ZMYND8: variants seen among roughly 807,000 people sequenced by gnomAD.
The protein encoded by ZMYND8 is MYND-type zinc finger-containing chromatin reader ZMYND8.
ZMYND8 carries 37 observed loss-of-function variants against 140.8 expected under a neutral mutation model. The ratio of observed to expected loss-of-function variants is 0.26; its 90% confidence interval spans 0.20 to 0.35. ZMYND8 has a LOEUF of 0.35. Among genes scored for constraint, ZMYND8 ranks in the 10% least tolerant of loss-of-function variants. ZMYND8 has a pLI of 1.00. For synonymous variants in ZMYND8, 592 were observed against 597.1 expected, an observed-to-expected ratio of 0.99 and a Z score of 0.12; for missense variants, 1,068 against 1,570.0, an observed-to-expected ratio of 0.68 and a Z score of 5.40.
rs756737017 is a variant in ZMYND8 at position 47,298,353 on chromosome 20, C to T, written c.453+376G>A. On this transcript the variant is annotated intron_variant, in intron 4 of 22. Transcript: ENST00000471951. This position sits in a 1 kb window ranked among gnomAD's most constrained non-coding sequence, Gnocchi z 5.0. Reference sequence around the variant, plus strand: ...GGCTACTGCTGATGATTCAATGATGCGGCAGGCAACAACATCCAAGACGGA... The same window carrying T: ...GGCTACTGCTGATGATTCAATGATGTGGCAGGCAACAACATCCAAGACGGA... The T allele has an allele frequency of 2.2e-5, 22 of 985,210 alleles. No homozygotes were observed. Among genetic ancestry groups the T allele is most frequent in the South Asian group, 4.7e-5 (1 of 21,284 alleles). The allele number at this position is 985,210 out of a possible 1,614,324, so 61.0% of individuals were successfully genotyped here.
At chr20:47,241,209 C>T (rs2039925172) in intron 14 of ZMYND8, among the ~76,000 whole-genome samples, 3 of 149,918 alleles carry the variant, frequency 2.0e-5, no homozygotes, top group Admixed American at 6.7e-5. Context: ...GCAGGAGAAT[C>T]GCTTGAACCC....
chr20:47,239,066 G>A lies in ZMYND8; in HGVS notation c.2357C>T (p.Ser786Phe). ...SPPETPVLTR[S>F]SAQTSAAGAT... ...GCCAGCCGCGGAAGTTTGGGCGGAA[G>A]AGCGGGTGAGCACCGGTGTTTCCGG... The change falls in exon 15 of 23, where the codon TCT becomes TTT. Residue 786 changes from serine to phenylalanine, a missense_variant. Coordinates refer to ENST00000471951, the MANE Select transcript of ZMYND8 (RefSeq NM_001281775.3). The A allele has an allele frequency of 1.3e-6, 2 of 1,562,396 alleles. No individual in the cohort carries two copies. Among genetic ancestry groups the A allele is most frequent in the Non-Finnish European group, 1.7e-6 (2 of 1,153,460 alleles).
At chr20:47,239,289 T>C (rs2039648572) in intron 14 of ZMYND8, 151 bp from the exon 15 acceptor site, 1 of 1,073,720 alleles carries the variant, frequency 9.3e-7, no homozygotes, top group Non-Finnish European at 1.2e-6. Context: ...GCTGGAGGAG[T>C]ACATTCTCAC....
intron 2 of ZMYND8, among the ~76,000 whole-genome samples, chr20:47,346,706 A>G (rs981929819): frequency 6.6e-6 from 1 of 151,964 alleles, no homozygotes; most frequent in African/African-American, 2.4e-5. Flanking sequence ...TCCCAGGTTC[A>G]AGTGATTCTC....
intron 11 of ZMYND8, among the ~76,000 whole-genome samples, chr20:47,263,024 G>A (rs1304556242): frequency 6.6e-6 from 1 of 152,172 alleles, no homozygotes; most frequent in East Asian, 1.9e-4. Flanking sequence ...TTCACAGGAG[G>A]AGAGAGAACT....
At position 47,347,716 on chromosome 20, in the gene ZMYND8, A is replaced by G; in HGVS notation, c.85+140T>C. On this transcript the variant is annotated intron_variant, in intron 2 of 22. Coordinates refer to ENST00000471951, the MANE Select transcript of ZMYND8 (RefSeq NM_001281775.3). The stretch of plus-strand genomic sequence containing the variant: ...TCTCCATCAATTAGGTTCATCCATC[A>G]AAAAATCTTATATCTGAAAATCCAA... 7.2e-6 allele frequency: 6 copies of G among 837,788 alleles called. No homozygotes were observed. The South Asian group carries it at 1.0e-4, about 14-fold the overall frequency. 51.9% of individuals were successfully genotyped at this position (837,788 alleles called of 1,614,324 possible).
chr20:47,254,047 C>T (rs1334125222), intron 12 of ZMYND8, among the ~76,000 whole-genome samples: 1 of 152,254 alleles, frequency 6.6e-6, no homozygotes, highest in African/African-American at 2.4e-5. Context: ...ACTCCCCCCT[C>T]CTCCGCAGAG....
At position 47,229,717 on chromosome 20, in the gene ZMYND8, ATC is replaced by A; in HGVS notation, c.2937+7_2937+8del. 6 of 1,611,678 alleles carry A rather than the reference ATC, an allele frequency of 3.7e-6. No individual in the cohort carries two copies. The highest frequency in any genetic ancestry group is 5.1e-6 in the Non-Finnish European group (6 of 1,178,474). ...TTAGCAAATAAGAAATTCATGTGTC[ATC>A]TCTGACCTCAGCTATTGTGCTTCCA... On this transcript the variant is annotated splice_region_variant and intron_variant, in intron 17 of 22. Coordinates refer to ENST00000471951, the MANE Select transcript of ZMYND8 (RefSeq NM_001281775.3).
chr20:47,220,047 T>G (rs1350059220), intron 21 of ZMYND8, among the ~76,000 whole-genome samples: 2 of 152,100 alleles, frequency 1.3e-5, no homozygotes, highest in African/African-American at 4.8e-5. Flanking sequence ...GTAAATACAA[T>G]AGGTAATACC....
At chr20:47,255,077 T>C (rs2074488831) in intron 12 of ZMYND8, among the ~76,000 whole-genome samples, 1 of 152,096 alleles carries the variant, frequency 6.6e-6, no homozygotes, top group Admixed American at 6.6e-5. Flanking sequence ...AGCCAGATCA[T>C]GCCACTGCAC....
intron 2 of ZMYND8, among the ~76,000 whole-genome samples, chr20:47,337,516 A>G (rs1419541325): frequency 6.6e-6 from 1 of 152,176 alleles, no homozygotes; most frequent in African/African-American, 2.4e-5. Flanking sequence ...TAATAAATAA[A>G]TAAAGATAAA....
At chr20:47,226,151 TA>T (rs3092455) in intron 18 of ZMYND8, among the ~76,000 whole-genome samples, 455 of 132,090 alleles carry the variant, frequency 3.4e-3, no homozygotes, top group Admixed American at 4.0e-3. Flanking sequence ...GACTCTGTCT[TA>T]AAAAAAAAAA....
At chr20:47,216,925 C>T (rs185525417) in intron 21 of ZMYND8, among the ~76,000 whole-genome samples, 287 of 152,202 alleles carry the variant, frequency 1.9e-3, no homozygotes, top group African/African-American at 6.7e-3. Context: ...GGTTAGTGAC[C>T]CAGATTTGCG....
chr20:47,224,807 G>T (rs1471749374), intron 18 of ZMYND8, among the ~76,000 whole-genome samples: 1 of 152,130 alleles, frequency 6.6e-6, no homozygotes, highest in African/African-American at 2.4e-5. Context: ...CAGCCCCAGA[G>T]GATTTTCCAC....
intron 11 of ZMYND8, among the ~76,000 whole-genome samples, chr20:47,275,827 T>C (rs2076223130): frequency 1.3e-5 from 2 of 152,252 alleles, no homozygotes; most frequent in African/African-American, 4.8e-5. Context: ...CAGGTTGGTC[T>C]GGAACTCCCA....
intron 11 of ZMYND8, among the ~76,000 whole-genome samples, chr20:47,265,770 A>G (rs1158846098): frequency 6.6e-6 from 1 of 152,158 alleles, no homozygotes; most frequent in Non-Finnish European, 1.5e-5. Flanking sequence ...ATATACATTC[A>G]TGTGTGCTAA....
At chr20:47,328,373 T>A (rs1182060479) in intron 2 of ZMYND8, among the ~76,000 whole-genome samples, 3 of 152,216 alleles carry the variant, frequency 2.0e-5, no homozygotes, top group African/African-American at 7.2e-5. Context: ...AGCTTTTTCT[T>A]TGTATACTTT....
chr20:47,313,432 C>T (rs547159459), intron 2 of ZMYND8, among the ~76,000 whole-genome samples: 5 of 151,354 alleles, frequency 3.3e-5, no homozygotes, highest in East Asian at 3.9e-4. Context: ...ACCATCCTGG[C>T]TAACATGGTG....
chr20:47,339,080 T>G (rs2081617465), intron 2 of ZMYND8, among the ~76,000 whole-genome samples: 1 of 151,456 alleles, frequency 6.6e-6, no homozygotes, highest in Non-Finnish European at 1.5e-5. Context: ...TCATGCCATT[T>G]TCCTGCCTCA....
Sources: gnomAD v4.1 joint callset for allele counts (sites outside exome capture counted in the v4.1 genomes callset) on GRCh38, gnomAD v4.1.1 for gene constraint, Gnocchi (gnomAD v3.1) non-coding constraint, MANE v1.5 for transcripts, NCBI Gene and HGNC (gene_info 2026-07-23, HGNC 2026-07-21) for gene names.